The following ZFHX4 variants were observed in gnomAD, a reference collection of about 807,000 sequenced individuals.
ZFHX4 encodes the protein zinc finger homeobox 4.
A neutral mutation model predicts 267.6 loss-of-function variants in ZFHX4; 56 were observed. The observed-to-expected ratio is 0.21, with a 90% CI of 0.17 to 0.26. The LOEUF is 0.26. ZFHX4 is among the 10% of genes least tolerant of loss of function. The probability of loss-of-function intolerance (pLI) is 1.00; values close to 1 mark genes in which losing one functional copy is unlikely to be tolerated. For missense variants in ZFHX4, 4,332 were observed against 4,420.0 expected, an observed-to-expected ratio of 0.98 and a Z score of 0.56; for synonymous variants, 1,778 against 1,665.6, an observed-to-expected ratio of 1.07 and a Z score of -1.64.
Position 76,853,102 on chromosome 8 carries a change from C to CCTT in ZFHX4, c.6184_6186dup (p.Ser2062dup). On this transcript the variant is annotated inframe_insertion, in exon 10 of 11. Coordinates refer to ENST00000651372, the MANE Select transcript of ZFHX4 (RefSeq NM_024721.5). The stretch of plus-strand genomic sequence containing the variant: ...TCCTCCTCCCCCCCCACCTCCTCCA[C>CCTT]CTTCTGCTCCTCCACAGGTCCAACT... The CCTT allele has an allele frequency of 7.0e-7, 1 of 1,433,970 alleles. No individual in the cohort carries two copies. The allele number at this position is 1,433,970 out of a possible 1,614,324, so 88.8% of individuals were successfully genotyped here.
intron 4 of ZFHX4, among the ~76,000 whole-genome samples, chr8:76,791,583 C>T (rs574368205): frequency 1.3e-5 from 2 of 152,148 alleles, no homozygotes; most frequent in East Asian, 3.9e-4. Flanking sequence ...CATTCCTGTA[C>T]AAAGTACTGA....
Position 76,704,649 on chromosome 8 carries a change from C to G in ZFHX4, c.561C>G (p.Phe187Leu), listed in dbSNP as rs1024589117. ...AGTCTGCTTCTGCACCTATGTCGTTCTACCCACAGATCATCAACACTTTTC... is the reference window on the plus strand; with the variant it reads ...AGTCTGCTTCTGCACCTATGTCGTTGTACCCACAGATCATCAACACTTTTC... ...SDQSASAPMS[F>L]YPQIINTFHI... is the part of the protein sequence containing the mutation. Residue 187 changes from phenylalanine to leucine, a missense_variant, in exon 2 of 11, where the codon TTC becomes TTG. Around this residue, in one of 7 missense-constraint regions of ZFHX4, gnomAD observed 1,195 missense variants for 1,173.6 expected, o/e 1.02. Transcript: ENST00000651372. 8.7e-6 allele frequency: 14 copies of G among 1,613,908 alleles called. No homozygotes were observed. In the African/African-American group the frequency reaches 1.9e-4, roughly 22 times the overall value.
At chr8:76,760,928 C>CA (rs771069673) in intron 3 of ZFHX4, among the ~76,000 whole-genome samples, 6,877 of 63,630 alleles carry the variant, frequency 0.11, 384 homozygotes, top group African/African-American at 0.16. Context: ...GACCCTGCCT[C>CA]AAAAAAAAAA....
intron 3 of ZFHX4, among the ~76,000 whole-genome samples, chr8:76,767,122 A>T (rs1001679993): frequency 3.3e-5 from 5 of 151,974 alleles, no homozygotes; most frequent in Non-Finnish European, 5.9e-5. Context: ...CGTGACATGA[A>T]CATACAAATT....
chr8:76,737,700 C>T (rs1162332062), intron 3 of ZFHX4, among the ~76,000 whole-genome samples: 1 of 152,128 alleles, frequency 6.6e-6, no homozygotes. Flanking sequence ...GTGCCTGGAA[C>T]ATAATAAGTG....
At position 76,852,950 on chromosome 8, in the gene ZFHX4, C is replaced by T. The variant is rs902014136; in HGVS notation, c.6029C>T (p.Pro2010Leu). Residue 2010 changes from proline to leucine, a missense_variant, in exon 10 of 11, where the codon CCT becomes CTT. Pro to Leu is a moderately conservative substitution (Grantham distance 98). This residue lies in a region of ZFHX4 where 1,371 missense variants were observed against 1,423.1 expected (regional missense o/e 0.96). Coordinates refer to ENST00000651372, the MANE Select transcript of ZFHX4 (RefSeq NM_024721.5). ...PETPPPPPPPPPLPPAPPQPS... is the reference protein window; with the variant it reads ...PETPPPPPPPLPLPPAPPQPS... ...ACGCCGCCCCCGCCACCTCCTCCTCCTCCCTTGCCTCCGGCTCCTCCACAG... is the reference window on the plus strand; with the variant it reads ...ACGCCGCCCCCGCCACCTCCTCCTCTTCCCTTGCCTCCGGCTCCTCCACAG... The T allele has an allele frequency of 1.3e-6, 2 of 1,573,968 alleles. No individual in the cohort carries two copies. Among genetic ancestry groups the T allele is most frequent in the East Asian group, 4.7e-5 (2 of 42,668 alleles).
intron 1 of ZFHX4, among the ~76,000 whole-genome samples, chr8:76,689,890 T>C (rs993111779): frequency 2.6e-5 from 4 of 152,236 alleles, no homozygotes; most frequent in African/African-American, 9.6e-5. Flanking sequence ...AATTAACCAC[T>C]TTAACATTCT....
rs1267107120 is a variant in ZFHX4, at chr8:76,849,562, C to T, written c.3696C>T (p.Ile1232=). ...ACAATAGTAGGGACCAAAGTCGTAT[C>T]CAGATGCACGTCCTATCACAGCACT... The part of the protein sequence containing the change: ...CNYNSRDQSR[I]QMHVLSQHSV... Residue 1232 remains isoleucine, a synonymous_variant, in exon 8 of 11, where the codon ATC becomes ATT. Transcript: ENST00000651372. 2.5e-6 allele frequency: 4 copies of T among 1,613,954 alleles called. No homozygotes were observed. The highest frequency in any genetic ancestry group is 2.2e-5 in the South Asian group (2 of 91,082).
chr8:76,726,865 T>C (rs944913590), intron 3 of ZFHX4, among the ~76,000 whole-genome samples: 4 of 152,294 alleles, frequency 2.6e-5, no homozygotes, highest in Middle Eastern at 3.4e-3. Flanking sequence ...TAAGGACAGA[T>C]AAGTTGGGCA....
At chr8:76,830,399 A>G (rs79144162) in intron 4 of ZFHX4, among the ~76,000 whole-genome samples, 5,221 of 152,322 alleles carry the variant, frequency 0.034, 208 homozygotes, top group East Asian at 0.18. Flanking sequence ...TAATCTAATT[A>G]AATTACCAGC....
chr8:76,826,487 T>C (rs1440192589), intron 4 of ZFHX4, among the ~76,000 whole-genome samples: 1 of 152,222 alleles, frequency 6.6e-6, no homozygotes, highest in East Asian at 1.9e-4. Flanking sequence ...TTCAAAAGGC[T>C]TTTGACCTAG....
rs781185571 is a variant in ZFHX4 at position 76,854,645 on chromosome 8, C to T, written c.7724C>T (p.Ala2575Val). ...CACACCACAGCCCCCACAACGGTTG[C>T]TGCTTCCCTAAAAAGGAAACTAGAC... is the stretch of plus-strand genomic sequence containing the variant. ...SSHTTAPTTVAASLKRKLDDK... is the reference protein window; with the variant it reads ...SSHTTAPTTVVASLKRKLDDK... Residue 2575 changes from alanine to valine, a missense_variant, in exon 10 of 11, where the codon GCT (alanine) becomes GTT (valine). Physicochemically the swap from Ala to Val is moderately conservative, Grantham distance 64. This residue lies in a region of ZFHX4 where 1,648 missense variants were observed against 1,625.0 expected (regional missense o/e 1.01). Transcript: ENST00000651372. The T allele has an allele frequency of 1.2e-6, 2 of 1,613,752 alleles. No individual in the cohort carries two copies. Among genetic ancestry groups the T allele is most frequent in the Non-Finnish European group, 1.7e-6 (2 of 1,179,870 alleles).
In ZFHX4 at chr8:76,706,215, T is replaced by C. The variant is rs200750698; in HGVS notation, c.2127T>C (p.Thr709=). 121 of 1,613,820 alleles carry C rather than the reference T, an allele frequency of 7.5e-5. 1 individual carries two copies. The highest frequency in any genetic ancestry group is 2.0e-4 in the Admixed American group (12 of 59,986). The change falls in exon 2 of 11, where the codon ACT becomes ACC. Residue 709 remains threonine, a synonymous_variant. Coordinates refer to ENST00000651372, the MANE Select transcript of ZFHX4 (RefSeq NM_024721.5). ...GTGAGGTTTGTAACTACTCTACCAC[T>C]ACCAAAGGCAACCTCAGTATTCATA... The part of the protein sequence containing the change: ...FRCEVCNYST[T]TKGNLSIHMQ...
chr8:76,746,667 T>C (rs1287454797), intron 3 of ZFHX4, among the ~76,000 whole-genome samples: 1 of 152,138 alleles, frequency 6.6e-6, no homozygotes, highest in Non-Finnish European at 1.5e-5. Context: ...GTTATTTTTT[T>C]AGGTGTCCAG....
intron 5 of ZFHX4, among the ~76,000 whole-genome samples, chr8:76,837,113 G>T (rs1412258148): frequency 6.6e-6 from 1 of 152,058 alleles, no homozygotes; most frequent in Non-Finnish European, 1.5e-5. Flanking sequence ...AAAATATAAA[G>T]CCATGATTCT....
chr8:76,772,607 A>G (rs537422942), intron 3 of ZFHX4, among the ~76,000 whole-genome samples: 1 of 151,984 alleles, frequency 6.6e-6, no homozygotes, highest in Non-Finnish European at 1.5e-5. Flanking sequence ...CTACCAGACT[A>G]CTCTTCAATC....
In ZFHX4 at chr8:76,849,552, A is replaced by T; in HGVS notation, c.3686A>T (p.Gln1229Leu). The T allele has an allele frequency of 6.2e-7, 1 of 1,614,010 alleles. No individual in the cohort carries two copies. Among genetic ancestry groups the T allele is most frequent in the Non-Finnish European group, 8.5e-7 (1 of 1,179,876 alleles). ...CPYCNYNSRD[Q>L]SRIQMHVLSQ... ...TATTGTAACTACAATAGTAGGGACC[A>T]AAGTCGTATCCAGATGCACGTCCTA... The change falls in exon 8 of 11, where the codon CAA (glutamine) becomes CTA (leucine). Residue 1229 changes from glutamine to leucine, a missense_variant. Physicochemically the swap from Gln to Leu is moderately radical, Grantham distance 113. Transcript: ENST00000651372.
chr8:76,864,239 G>A lies in ZFHX4; in HGVS notation c.10525G>A (p.Ala3509Thr), dbSNP rs1812965907. 6.2e-7 allele frequency: 1 copy of A among 1,613,778 alleles called. No homozygotes were observed. The highest frequency in any genetic ancestry group is 1.7e-5 in the Admixed American group (1 of 59,978). The change falls in exon 11 of 11, where the codon GCT (alanine) becomes ACT (threonine). Residue 3509 changes from alanine (A) to threonine (T), a missense_variant. By Grantham distance (58) the Ala-to-Thr change is moderately conservative. Coordinates refer to ENST00000651372, the MANE Select transcript of ZFHX4 (RefSeq NM_024721.5). Reference sequence around the variant, plus strand: ...CACCACATCTACCTCGCAGTCTGCAGCTTCTTCTAATAACACCTATCCTCA... The same window carrying A: ...CACCACATCTACCTCGCAGTCTGCAACTTCTTCTAATAACACCTATCCTCA... ...PNTTSTSQSA[A>T]SSNNTYPHLS...
In ZFHX4 at chr8:76,863,884, T is replaced by G; in HGVS notation, c.10170T>G (p.Phe3390Leu). Reference sequence around the variant, plus strand: ...AGTTAGAATCCAAAAGTGCAGACTTTTCAGACACTTACGTTGTTCCATTCG... The same window carrying G: ...AGTTAGAATCCAAAAGTGCAGACTTGTCAGACACTTACGTTGTTCCATTCG... Reference protein sequence around the residue: ...EPQLESKSADFSDTYVVPFVK... With the variant: ...EPQLESKSADLSDTYVVPFVK... Residue 3390 changes from phenylalanine to leucine, a missense_variant, in exon 11 of 11, where the codon TTT becomes TTG. Phe to Leu is a conservative substitution (Grantham distance 22). Transcript: ENST00000651372. 2.6e-6 allele frequency: 4 copies of G among 1,566,538 alleles called. No individual in the cohort carries two copies. The highest frequency in any genetic ancestry group is 3.5e-6 in the Non-Finnish European group (4 of 1,154,726).
Sources: gnomAD v4.1 joint callset for allele counts (sites outside exome capture counted in the v4.1 genomes callset) on GRCh38, gnomAD v4.1.1 for gene constraint, gnomAD v4.1.1 regional missense constraint, MANE v1.5 for transcripts, NCBI Gene and HGNC (gene_info 2026-07-23, HGNC 2026-07-21) for gene names.